ADORA2B: variants seen among roughly 807,000 people sequenced by gnomAD.
ADORA2B encodes the protein adenosine receptor A2b.
ADORA2B carries 18 observed loss-of-function variants against 20.8 expected under a neutral mutation model. The ratio of observed to expected loss-of-function variants is 0.87; its 90% CI spans 0.60 to 1.29. The LOEUF is 1.29. Among genes scored for constraint, ADORA2B ranks in the 50% most tolerant of loss-of-function variants. The pLI is 0.00. For synonymous variants in ADORA2B, 179 were observed against 178.3 expected (o/e 1.00, Z -0.03); for missense variants, 441 against 422.7 (o/e 1.04, Z -0.38).
chr17:15,860,123 C>G, the ADORA2B span, among the ~76,000 whole-genome samples: 2 of 152,116 alleles, frequency 1.3e-5, no homozygotes, highest in Admixed American at 1.3e-4. Flanking sequence ...AGTCAGGTAC[C>G]CCCTGCTTGC....
chr17:15,890,279 A>G, the ADORA2B span, among the ~76,000 whole-genome samples: 1 of 128,352 alleles, frequency 7.8e-6, no homozygotes, highest in African/African-American at 3.3e-5. Flanking sequence ...ATTTCAGACT[A>G]TTTGTGTTTC....
chr17:15,878,183 A>G, the ADORA2B span, among the ~76,000 whole-genome samples: 351 of 49,934 alleles, frequency 7.0e-3, 1 homozygote, highest in African/African-American at 0.032. Context: ...GTGTGTGTGT[A>G]TACACACACA....
the ADORA2B span, among the ~76,000 whole-genome samples, chr17:15,899,230 A>C: frequency 6.9e-6 from 1 of 145,528 alleles, no homozygotes; most frequent in Non-Finnish European, 1.5e-5. Flanking sequence ...ACTCTGTCTC[A>C]AAAAAAAAAA....
chr17:15,864,767 C>A, the ADORA2B span, among the ~76,000 whole-genome samples: 1 of 151,996 alleles, frequency 6.6e-6, no homozygotes, highest in African/African-American at 2.4e-5. Context: ...GGGATACTTG[C>A]AACCTTGGTT....
the ADORA2B span, among the ~76,000 whole-genome samples, chr17:15,891,703 A>G: frequency 1.3e-5 from 2 of 151,588 alleles, no homozygotes; most frequent in Non-Finnish European, 2.9e-5. Flanking sequence ...TTTTTTCAAG[A>G]TGGAGTCTCG....
chr17:15,958,086 C>T (rs1168015341), intron 1 of ADORA2B, among the ~76,000 whole-genome samples: 1 of 149,616 alleles, frequency 6.7e-6, no homozygotes, highest in Admixed American at 6.7e-5. Flanking sequence ...ATGGTGCGAT[C>T]TTGGTCACCG....
the ADORA2B span, among the ~76,000 whole-genome samples, chr17:15,878,728 T>C: frequency 1.3e-5 from 2 of 152,270 alleles, no homozygotes; most frequent in Non-Finnish European, 2.9e-5. Flanking sequence ...TTCTGATGAA[T>C]AGTTTATCAA....
chr17:15,945,865 T>TGGAAACCCCGG (rs1969798030), intron 1 of ADORA2B, among the ~76,000 whole-genome samples: 1 of 149,786 alleles, frequency 6.7e-6, no homozygotes, highest in Non-Finnish European at 1.5e-5. Flanking sequence ...GGAGGCGCCG[T>TGGAAACCCCGG]GGAAACCCCG....
At chr17:15,909,843 T>C in the ADORA2B span, among the ~76,000 whole-genome samples, 1 of 152,194 alleles carries the variant, frequency 6.6e-6, no homozygotes, top group Non-Finnish European at 1.5e-5. Context: ...TGAAGTCCTG[T>C]TGTTAATTAA....
At chr17:15,888,850 ATTTTTTT>A in the ADORA2B span, among the ~76,000 whole-genome samples, 4 of 6,730 alleles carry the variant, frequency 5.9e-4, no homozygotes, top group East Asian at 3.3e-3. Flanking sequence ...ATATATATAT[ATTTTTTT>A]TTTTTTTTTT....
At chr17:15,944,500 C>T (rs1969772052), upstream of ADORA2B, among the ~76,000 whole-genome samples, 1 of 152,134 alleles carries the variant, frequency 6.6e-6, no homozygotes, top group African/African-American at 2.4e-5. This position sits in a 1 kb window ranked among gnomAD's most constrained non-coding sequence, Gnocchi z 4.8. Context: ...GAAGGCAGAG[C>T]GGGGCCGTAG....
chr17:15,975,450 G>A lies in ADORA2B; in HGVS notation c.*108G>A. On this transcript the variant is annotated 3_prime_UTR_variant, in exon 2 of 2. Coordinates refer to ENST00000304222, the MANE Select transcript of ADORA2B (RefSeq NM_000676.4). ...GCTACACCTCACAAGGAAATGGACT[G>A]CCTCTCTTGAGCACTTCCCTGGAGC... 3 of 1,220,196 alleles carry A rather than the reference G, an allele frequency of 2.5e-6. No homozygotes were observed. The highest frequency in any genetic ancestry group is 3.4e-6 in the Non-Finnish European group (3 of 877,342). 75.6% of individuals were successfully genotyped at this position (1,220,196 alleles called of 1,614,324 possible). A position where few individuals can be genotyped will look rare whatever the true frequency, so the allele number is the denominator to read the frequency against.
chr17:15,960,137 G>A (rs1009843954), intron 1 of ADORA2B, among the ~76,000 whole-genome samples: 1 of 152,156 alleles, frequency 6.6e-6, no homozygotes, highest in South Asian at 2.1e-4. Flanking sequence ...ATGTGGTGGC[G>A]CATGCCTATA....
At chr17:15,932,478 G>A in the ADORA2B span, among the ~76,000 whole-genome samples, 201 of 144,004 alleles carry the variant, frequency 1.4e-3, no homozygotes, top group African/African-American at 5.2e-3. Context: ...GGGCGACAGA[G>A]CAAGACTCTC....
chr17:15,898,215 C>A, the ADORA2B span, among the ~76,000 whole-genome samples: 1 of 152,026 alleles, frequency 6.6e-6, no homozygotes, highest in African/African-American at 2.4e-5. Flanking sequence ...TACAATGAGA[C>A]CTTGTTGGAA....
chr17:15,971,460 T>G (rs563773383), intron 1 of ADORA2B, among the ~76,000 whole-genome samples: 7 of 152,154 alleles, frequency 4.6e-5, no homozygotes, highest in African/African-American at 1.7e-4. Context: ...TAGAAAAGAT[T>G]AGAGATCATT....
the ADORA2B span, among the ~76,000 whole-genome samples, chr17:15,866,194 C>A: frequency 1.1e-4 from 16 of 150,890 alleles, no homozygotes; most frequent in African/African-American, 3.7e-4. Flanking sequence ...AATTCCTGGG[C>A]CTTAGGGTAT....
At chr17:15,876,288 T>TG in the ADORA2B span, among the ~76,000 whole-genome samples, 1 of 152,096 alleles carries the variant, frequency 6.6e-6, no homozygotes, top group Non-Finnish European at 1.5e-5. Context: ...TTGCCAGTGT[T>TG]GCAGCAAGAA....
chr17:15,950,300 G>A (rs971070135), intron 1 of ADORA2B, among the ~76,000 whole-genome samples: 3 of 152,184 alleles, frequency 2.0e-5, no homozygotes, highest in African/African-American at 4.8e-5. Flanking sequence ...TGGCAGGAGC[G>A]TGGCCCACAC....
Sources: allele counts gnomAD v4.1 joint callset (sites outside exome capture counted in the v4.1 genomes callset), GRCh38; gene constraint gnomAD v4.1.1; non-coding constraint Gnocchi (gnomAD v3.1); transcripts MANE v1.5; gene names NCBI Gene and HGNC (gene_info 2026-07-23, HGNC 2026-07-21).